Variants in ZNF718 observed in about 807,000 individuals in gnomAD.
The protein encoded by ZNF718 is zinc finger protein 718.
ZNF718 carries 3 observed loss-of-function variants against 2.6 expected under a neutral mutation model. The observed-to-expected ratio is 1.16, with a 90% CI of 0.53 to 3.01. The LOEUF (loss-of-function observed/expected upper bound fraction) is 3.01, where lower values mean the gene tolerates loss of function less well. Ranked by LOEUF, ZNF718 falls within the 30% of genes most tolerant of loss-of-function variation. The pLI is 0.03. For missense variants in ZNF718, 468 were observed against 230.0 expected, an observed-to-expected ratio of 2.03 and a Z score of -6.69; for synonymous variants, 135 against 77.9, an observed-to-expected ratio of 1.73 and a Z score of -3.86.
chr4:197,675 T>A (rs782424274), intron 3 of ZNF718, among the ~76,000 whole-genome samples: 1 of 152,170 alleles, frequency 6.6e-6, no homozygotes, highest in Non-Finnish European at 1.5e-5. Flanking sequence ...AATGGAACTA[T>A]GGAAGGCACC....
chr4:193,699 G>T (rs991928678), intron 3 of ZNF718, among the ~76,000 whole-genome samples: 23 of 152,008 alleles, frequency 1.5e-4, no homozygotes, highest in Non-Finnish European at 2.9e-4. Context: ...CTGCACCAGT[G>T]TCCAGGAGGC....
At chr4:129,413 G>GTCCA (rs1323945531) in intron 1 of ZNF718, among the ~76,000 whole-genome samples, 1 of 103,686 alleles carries the variant, frequency 9.6e-6, no homozygotes, top group Non-Finnish European at 2.1e-5. Context: ...GCTGAACCTT[G>GTCCA]TCCAGGTCTT....
At chr4:143,540 A>G (rs782409754) in intron 3 of ZNF718, among the ~76,000 whole-genome samples, 2 of 152,206 alleles carry the variant, frequency 1.3e-5, no homozygotes, top group Non-Finnish European at 2.9e-5. Context: ...GACTAAGCTC[A>G]TACACTAGGC....
At chr4:175,762 G>A (rs918493827) in intron 3 of ZNF718, among the ~76,000 whole-genome samples, 9 of 151,590 alleles carry the variant, frequency 5.9e-5, no homozygotes, top group African/African-American at 1.9e-4. Flanking sequence ...CCCCTCCAGG[G>A]AAGAGTTAAC....
rs1715276724 is a variant in ZNF718, at chr4:128,078, G to C, written c.4-2710G>C. On this transcript the variant is annotated intron_variant, in intron 1 of 3. Coordinates refer to ENST00000510175, the MANE Select transcript of ZNF718 (RefSeq NM_001039127.6). ...GCCTCCATGAGGTGATCTCTCCTCT[G>C]GTTTTACTCTGCTTACTCTAACCCC... Among the ~76,000 whole-genome samples the C allele has an allele frequency of 1.9e-5, 2 of 103,952 alleles. 1 individual carries two copies. The highest frequency in any genetic ancestry group is 6.7e-5 in the African/African-American group (2 of 29,860). 68.2% of individuals were successfully genotyped at this position (103,952 alleles called of 152,430 possible). A position where few individuals can be genotyped will look rare whatever the true frequency, so the allele number is the denominator to read the frequency against.
intron 3 of ZNF718, among the ~76,000 whole-genome samples, chr4:193,855 G>A (rs1371378808): frequency 6.6e-6 from 1 of 152,170 alleles, no homozygotes. Context: ...TTCATCCCCT[G>A]GGGCAGTGGG....
intron 3 of ZNF718, among the ~76,000 whole-genome samples, chr4:154,083 G>C (rs1716456875): frequency 1.3e-5 from 2 of 152,250 alleles, no homozygotes; most frequent in African/African-American, 4.8e-5. Context: ...CAGGAGATCT[G>C]ATAATTTTAT....
intron 3 of ZNF718, among the ~76,000 whole-genome samples, chr4:200,797 G>C (rs1428111807): frequency 1.3e-5 from 2 of 151,980 alleles, no homozygotes; most frequent in African/African-American, 4.8e-5. Context: ...AAAAGGAAAG[G>C]CTATTAACAA....
intron 3 of ZNF718, among the ~76,000 whole-genome samples, chr4:145,724 C>A (rs183256114): frequency 1.3e-5 from 2 of 152,174 alleles, no homozygotes; most frequent in African/African-American, 4.8e-5. Flanking sequence ...TCTCCAAGTG[C>A]TAGGATTACA....
intron 3 of ZNF718, chr4:141,899 G>T (rs1715827762): frequency 2.7e-6 from 1 of 376,152 alleles, no homozygotes; most frequent in Non-Finnish European, 5.4e-6. Flanking sequence ...ATTTCATTCA[G>T]TTGTTATTTT....
At chr4:176,451 A>G (rs1031941859) in intron 3 of ZNF718, among the ~76,000 whole-genome samples, 13 of 152,276 alleles carry the variant, frequency 8.5e-5, no homozygotes, top group African/African-American at 2.9e-4. Context: ...CATCTATGCT[A>G]CCATCAATTC....
At chr4:196,127 A>G (rs1471419675) in intron 3 of ZNF718, among the ~76,000 whole-genome samples, 7 of 152,080 alleles carry the variant, frequency 4.6e-5, no homozygotes, top group African/African-American at 9.7e-5. Context: ...TCCAGTTGTT[A>G]AAGTACTGGG....
intron 3 of ZNF718, among the ~76,000 whole-genome samples, chr4:174,480 A>G (rs1005284018): frequency 3.9e-5 from 6 of 152,202 alleles, no homozygotes; most frequent in African/African-American, 1.4e-4. Flanking sequence ...ACTTTGGGAG[A>G]GACCATCTCC....
At chr4:194,676 C>T (rs1330349106) in intron 3 of ZNF718, among the ~76,000 whole-genome samples, 2 of 152,148 alleles carry the variant, frequency 1.3e-5, no homozygotes, top group African/African-American at 4.8e-5. Context: ...TCAATATAGC[C>T]GTCAGGGTTA....
rs539686947 is a variant in ZNF718 at position 163,212 on chromosome 4, G to C, written c.*1090G>C. The stretch of plus-strand genomic sequence containing the variant: ...ACTTTTTTTTTTTTTTTGAGACGGA[G>C]TCTCGCTCTGTCGCCCAGGCTGGAG... On this transcript the variant is annotated 3_prime_UTR_variant, in exon 4 of 4. Transcript: ENST00000510175. 2 of 150,934 alleles carry C rather than the reference G, an allele frequency of 1.3e-5. No individual in the cohort carries two copies. Among genetic ancestry groups the C allele is most frequent in the East Asian group, 3.9e-4 (2 of 5,112 alleles). 9.3% of individuals were successfully genotyped at this position (150,934 alleles called of 1,614,324 possible).
At chr4:189,378 A>G (rs1419692978) in intron 3 of ZNF718, among the ~76,000 whole-genome samples, 2 of 152,142 alleles carry the variant, frequency 1.3e-5, no homozygotes, top group Non-Finnish European at 2.9e-5. Flanking sequence ...TTTTAAAAAT[A>G]TGTTCCCAAA....
intron 3 of ZNF718, among the ~76,000 whole-genome samples, chr4:170,253 C>T (rs1408085512): frequency 2.6e-5 from 4 of 152,068 alleles, no homozygotes; most frequent in East Asian, 1.9e-4. Context: ...GTGGGTAACC[C>T]GACCTTTCTC....
intron 3 of ZNF718, among the ~76,000 whole-genome samples, chr4:171,803 A>G (rs1411912506): frequency 1.3e-5 from 2 of 152,150 alleles, no homozygotes; most frequent in African/African-American, 2.4e-5. Flanking sequence ...GGGTGAGGCA[A>G]TGCCTCGCCC....
chr4:185,962 T>C (rs916115693), intron 3 of ZNF718, among the ~76,000 whole-genome samples: 9 of 152,166 alleles, frequency 5.9e-5, no homozygotes, highest in Non-Finnish European at 1.3e-4. Flanking sequence ...TGCCATGCTG[T>C]GTCTTTTAAC....
Sources: gnomAD v4.1 joint callset for allele counts (sites outside exome capture counted in the v4.1 genomes callset) on GRCh38, gnomAD v4.1.1 for gene constraint, MANE v1.5 for transcripts, NCBI Gene and HGNC (gene_info 2026-07-23, HGNC 2026-07-21) for gene names.